The following CHCHD3 variants were observed in gnomAD, a reference collection of about 807,000 sequenced individuals.
CHCHD3 encodes MICOS complex subunit MIC19.
Under a neutral mutation model 38.2 loss-of-function variants are expected in CHCHD3, and 20 were observed. The ratio of observed to expected loss-of-function variants is 0.52; its 90% CI spans 0.37 to 0.76. CHCHD3 has a LOEUF of 0.76. Ranked by LOEUF, CHCHD3 falls within the 30% of genes least tolerant of loss-of-function variation. The probability of loss-of-function intolerance (pLI) is 0.00; values close to 1 mark genes in which losing one functional copy is unlikely to be tolerated. For missense variants in CHCHD3, 245 were observed against 279.2 expected (o/e 0.88, Z 0.87); for synonymous variants, 82 against 100.0 (o/e 0.82, Z 1.07).
At chr7:133,026,939 T>C (rs936974250) in intron 2 of CHCHD3, among the ~76,000 whole-genome samples, 61 of 151,886 alleles carry the variant, frequency 4.0e-4, no homozygotes, top group African/African-American at 1.4e-3. Flanking sequence ...ATTGAAAATA[T>C]TCTTTTTTTT....
intron 6 of CHCHD3, among the ~76,000 whole-genome samples, chr7:132,831,801 G>A (rs1194122661): frequency 6.6e-6 from 1 of 152,030 alleles, no homozygotes; most frequent in African/African-American, 2.4e-5. Context: ...CAGGCTCACT[G>A]GCTTATGCAT....
chr7:132,911,810 A>T (rs1809958515), intron 4 of CHCHD3, among the ~76,000 whole-genome samples: 1 of 152,244 alleles, frequency 6.6e-6, no homozygotes, highest in African/African-American at 2.4e-5. Flanking sequence ...AAACTTTGCT[A>T]TCCAGTAGAA....
intron 4 of CHCHD3, among the ~76,000 whole-genome samples, chr7:132,948,348 G>T (rs1810948778): frequency 6.6e-6 from 1 of 151,984 alleles, no homozygotes; most frequent in Admixed American, 6.6e-5. Context: ...TGCAACTCTT[G>T]ATAGACAGAA....
chr7:132,966,327 A>G (rs1811463093), intron 4 of CHCHD3, among the ~76,000 whole-genome samples: 1 of 152,212 alleles, frequency 6.6e-6, no homozygotes, highest in Non-Finnish European at 1.5e-5. Context: ...GGGTAAGGGA[A>G]TAGTTACAAG....
chr7:132,975,089 GCA>G, intron 4 of CHCHD3, 78 bp downstream of exon 4: 1 of 1,071,810 alleles, frequency 9.3e-7, no homozygotes, highest in Non-Finnish European at 1.4e-6. Context: ...CTAAAAGCTG[GCA>G]CAGAGTACTT....
Position 133,024,483 on chromosome 7 carries a change from C to T in CHCHD3, c.251+63G>A. 3 of 1,137,228 alleles carry T rather than the reference C, an allele frequency of 2.6e-6. No homozygotes were observed. The East Asian group carries it at 7.0e-5, about 27-fold the overall frequency. The allele number at this position is 1,137,228 out of a possible 1,614,324, so 70.4% of individuals were successfully genotyped here. On this transcript the variant is annotated intron_variant, in intron 3 of 7. Transcript: ENST00000262570. ...TGAGACTTATCACAATCATTCTTCT[C>T]TAAAAATACTGGTAAATATGACAAA...
At chr7:132,984,920 G>T (rs1812053520) in intron 3 of CHCHD3, among the ~76,000 whole-genome samples, 1 of 89,194 alleles carries the variant, frequency 1.1e-5, no homozygotes, top group Non-Finnish European at 2.4e-5. Context: ...CCCCCCGCCC[G>T]GCCAGCCGCC....
At chr7:132,811,608 C>T (rs1361302972) in intron 6 of CHCHD3, among the ~76,000 whole-genome samples, 2 of 152,166 alleles carry the variant, frequency 1.3e-5, no homozygotes, top group East Asian at 3.9e-4. Context: ...TAGAACTGCT[C>T]TTGCTAAAAT....
chr7:132,945,288 T>C (rs1220770041), intron 4 of CHCHD3, among the ~76,000 whole-genome samples: 1 of 151,932 alleles, frequency 6.6e-6, no homozygotes, highest in African/African-American at 2.4e-5. Context: ...ATTAAAACAA[T>C]TAATTAAATA....
intron 2 of CHCHD3, among the ~76,000 whole-genome samples, chr7:133,048,183 C>T (rs1206176845): frequency 6.6e-6 from 1 of 151,828 alleles, no homozygotes. Flanking sequence ...TCACTTACTT[C>T]GTGGAGACAG....
intron 4 of CHCHD3, among the ~76,000 whole-genome samples, chr7:132,890,759 T>C (rs1213473392): frequency 6.6e-6 from 1 of 152,188 alleles, no homozygotes; most frequent in Non-Finnish European, 1.5e-5. Context: ...CTCTTAACAA[T>C]ATAAACAGGA....
At chr7:132,966,910 A>G (rs544852042) in intron 4 of CHCHD3, among the ~76,000 whole-genome samples, 1 of 152,334 alleles carries the variant, frequency 6.6e-6, no homozygotes, top group South Asian at 2.1e-4. Context: ...TGTCAGTTCG[A>G]TAAAATTCCA....
At chr7:132,919,253 C>T (rs1345303096) in intron 4 of CHCHD3, among the ~76,000 whole-genome samples, 2 of 151,860 alleles carry the variant, frequency 1.3e-5, no homozygotes, top group Non-Finnish European at 2.9e-5. Context: ...GGACTACAGG[C>T]GCCCGCCAGC....
intron 6 of CHCHD3, among the ~76,000 whole-genome samples, chr7:132,821,810 C>T (rs958878351): frequency 3.0e-5 from 4 of 133,296 alleles, no homozygotes; most frequent in South Asian, 2.3e-4. Context: ...GGCCGGACTG[C>T]GGACTGCAGT....
In CHCHD3 at chr7:133,025,064, C is replaced by T. The variant is rs1813299494; in HGVS notation, c.170-437G>A. 2.6e-5 allele frequency among the ~76,000 whole-genome samples: 4 copies of T among 152,150 alleles called. No homozygotes were observed. In the South Asian group the frequency reaches 8.3e-4, roughly 31 times the overall value. ...AAACAACTAACAAAATCATGTACTACAAAGAGCAAATCATTTATAGTTACA... is the reference window on the plus strand; with the variant it reads ...AAACAACTAACAAAATCATGTACTATAAAGAGCAAATCATTTATAGTTACA... On this transcript the variant is annotated intron_variant, in intron 2 of 7. Transcript: ENST00000262570.
chr7:132,887,258 TA>T, intron 4 of CHCHD3, among the ~76,000 whole-genome samples: 1 of 151,940 alleles, frequency 6.6e-6, no homozygotes, highest in South Asian at 2.1e-4. Context: ...AAGATTAGAT[TA>T]AAGTACATTC....
intron 5 of CHCHD3, among the ~76,000 whole-genome samples, chr7:132,881,232 C>G (rs1809046543): frequency 6.6e-6 from 1 of 152,166 alleles, no homozygotes; most frequent in Non-Finnish European, 1.5e-5. Context: ...TTATATCAGA[C>G]TCCTGGGTGA....
chr7:132,964,084 T>C (rs1811397812), intron 4 of CHCHD3, among the ~76,000 whole-genome samples: 1 of 152,138 alleles, frequency 6.6e-6, no homozygotes, highest in Non-Finnish European at 1.5e-5. Context: ...TAAAATTCAA[T>C]GAAAATACAA....
At chr7:133,020,128 C>T (rs981277429) in intron 3 of CHCHD3, among the ~76,000 whole-genome samples, 3 of 151,912 alleles carry the variant, frequency 2.0e-5, no homozygotes, top group Non-Finnish European at 4.4e-5. Context: ...AATCTATCAG[C>T]GATTTGTGCG....
Sources: gnomAD v4.1 joint callset for allele counts (sites outside exome capture counted in the v4.1 genomes callset) on GRCh38, gnomAD v4.1.1 for gene constraint, MANE v1.5 for transcripts, NCBI Gene and HGNC (gene_info 2026-07-23, HGNC 2026-07-21) for gene names.